MLLT10: variants seen among roughly 807,000 people sequenced by gnomAD.
The protein encoded by MLLT10 is protein AF-10.
Under a neutral mutation model 129.1 loss-of-function variants are expected in MLLT10, and 30 were observed. That is an observed-to-expected ratio of 0.23 (90% CI 0.17 to 0.32). MLLT10 has a LOEUF of 0.32. Ranked by LOEUF, MLLT10 falls within the 10% of genes least tolerant of loss-of-function variation. MLLT10 has a pLI of 1.00. For missense variants in MLLT10, 1,119 were observed against 1,268.3 expected (o/e 0.88, Z 1.79); for synonymous variants, 490 against 446.4 (o/e 1.10, Z -1.23).
chr10:21,640,152 A>G (rs1447907999), intron 8 of MLLT10, among the ~76,000 whole-genome samples: 1 of 146,576 alleles, frequency 6.8e-6, no homozygotes, highest in African/African-American at 2.5e-5. Flanking sequence ...AAACCAATAT[A>G]TGTATACATA....
At chr10:21,651,899 A>G in intron 9 of MLLT10, 131 bp downstream of exon 9, 1 of 184,748 alleles carries the variant, frequency 5.4e-6, no homozygotes, top group Non-Finnish European at 9.6e-6. Flanking sequence ...TAGAATTCTC[A>G]TTTCTTTTTT....
chr10:21,690,845 G>A (rs1241058090), intron 13 of MLLT10, among the ~76,000 whole-genome samples: 1 of 151,886 alleles, frequency 6.6e-6, no homozygotes, highest in Non-Finnish European at 1.5e-5. Flanking sequence ...CTTTTGTGTT[G>A]ATTCAGGTCC....
chr10:21,619,106 T>TA (rs1589260180), intron 8 of MLLT10, among the ~76,000 whole-genome samples: 2 of 151,966 alleles, frequency 1.3e-5, no homozygotes, highest in East Asian at 3.9e-4. Flanking sequence ...AACATGTATA[T>TA]CTTGATTTCT....
intron 3 of MLLT10, among the ~76,000 whole-genome samples, chr10:21,546,471 C>A (rs958490836): frequency 3.3e-5 from 5 of 151,696 alleles, no homozygotes; most frequent in Admixed American, 1.3e-4. Flanking sequence ...GTGGTGTGAT[C>A]TCCGCTTACT....
intron 14 of MLLT10, among the ~76,000 whole-genome samples, chr10:21,716,724 G>C (rs1429332689): frequency 1.3e-5 from 2 of 151,282 alleles, no homozygotes; most frequent in Non-Finnish European, 2.9e-5. Flanking sequence ...AATTCTAGAA[G>C]TCTTACCACA....
At position 21,614,714 on chromosome 10, in the gene MLLT10, T is replaced by C. The variant is rs1220794782; in HGVS notation, c.510-117T>C. 7.0e-6 allele frequency: 5 copies of C among 711,108 alleles called. No individual in the cohort carries two copies. In the East Asian group the frequency reaches 8.7e-5, roughly 12 times the overall value. 44.0% of individuals were successfully genotyped at this position (711,108 alleles called of 1,614,324 possible). ...AAAGCTTTTTATTTTCTCATTTTTT[T>C]CTTAGGAGATGTTATTTTCTCAGAG... On this transcript the variant is annotated intron_variant, in intron 6 of 22. Transcript: ENST00000307729.
chr10:21,602,708 T>C (rs2043660238), intron 5 of MLLT10, among the ~76,000 whole-genome samples: 1 of 152,166 alleles, frequency 6.6e-6, no homozygotes, highest in Admixed American at 6.5e-5. Flanking sequence ...AACATTTAAA[T>C]GGAGTTTTTT....
intron 13 of MLLT10, among the ~76,000 whole-genome samples, chr10:21,697,012 T>C (rs1042410256): frequency 1.3e-5 from 2 of 150,726 alleles, no homozygotes; most frequent in African/African-American, 4.9e-5. Context: ...AGCTTCATCT[T>C]TGAGCATCTT....
At chr10:21,720,957 T>C (rs1589816890) in intron 14 of MLLT10, among the ~76,000 whole-genome samples, 1 of 152,206 alleles carries the variant, frequency 6.6e-6, no homozygotes, top group East Asian at 1.9e-4. Context: ...ACAGAGAGGT[T>C]TAATAATTTA....
At chr10:21,695,066 T>C (rs1311063980) in intron 13 of MLLT10, among the ~76,000 whole-genome samples, 2 of 147,886 alleles carry the variant, frequency 1.4e-5, no homozygotes, top group African/African-American at 5.0e-5. Context: ...ACCTTCTTTT[T>C]TTTTTTTTTT....
chr10:21,600,484 CTG>C (rs1235344046), intron 5 of MLLT10, among the ~76,000 whole-genome samples: 6 of 152,052 alleles, frequency 3.9e-5, no homozygotes, highest in African/African-American at 1.4e-4. Context: ...ACATATTACT[CTG>C]TTTGTAAAAC....
intron 13 of MLLT10, among the ~76,000 whole-genome samples, chr10:21,704,024 T>TTG (rs1554856168): frequency 8.1e-5 from 11 of 135,396 alleles, no homozygotes; most frequent in South Asian, 2.6e-4. Context: ...TTGTTTTTTT[T>TTG]TTTTTTTTTT....
At chr10:21,546,414 T>C (rs1263516485) in intron 3 of MLLT10, among the ~76,000 whole-genome samples, 1 of 151,098 alleles carries the variant, frequency 6.6e-6, no homozygotes, top group Non-Finnish European at 1.5e-5. Context: ...ATTCTACTTT[T>C]TTTTTTTTGA....
At chr10:21,584,779 A>G (rs551068384) in intron 3 of MLLT10, among the ~76,000 whole-genome samples, 10 of 151,504 alleles carry the variant, frequency 6.6e-5, no homozygotes, top group African/African-American at 2.4e-4. Flanking sequence ...GTATGTGTGT[A>G]TGTGTGTATA....
At chr10:21,606,003 A>G (rs2044024120) in intron 5 of MLLT10, among the ~76,000 whole-genome samples, 1 of 152,036 alleles carries the variant, frequency 6.6e-6, no homozygotes, top group Non-Finnish European at 1.5e-5. Flanking sequence ...TTCCAACAGC[A>G]TGTGCTCACT....
chr10:21,707,302 C>T (rs569259337), intron 13 of MLLT10, among the ~76,000 whole-genome samples: 6 of 151,230 alleles, frequency 4.0e-5, no homozygotes, highest in African/African-American at 1.5e-4. Context: ...ACGCCATTCT[C>T]CTGCCTCAGC....
rs41277384 is a variant in MLLT10 at position 21,682,325 on chromosome 10, G to T, written c.1699+68G>T. On this transcript the variant is annotated intron_variant, in intron 13 of 22. Transcript: ENST00000307729. ...AAGGTTGCCTTTTGTAGAGAATCTC[G>T]ATTGAAAGCTAGCATGTTCTATTGA... The T allele has an allele frequency of 7.6e-3, 10,539 of 1,395,798 alleles. 67 individuals carry two copies. Among genetic ancestry groups the T allele is most frequent in the Non-Finnish European group, 9.3e-3 (9,305 of 996,808 alleles). 86.5% of individuals were successfully genotyped at this position (1,395,798 alleles called of 1,614,324 possible).
At chr10:21,538,726 A>G (rs1482067785) in intron 2 of MLLT10, 107 bp from the exon 3 acceptor site, 3 of 707,262 alleles carry the variant, frequency 4.2e-6, no homozygotes, top group East Asian at 2.6e-5. Context: ...GTAAAGAGGT[A>G]GTTTACTTGA....
At chr10:21,630,684 C>G (rs1184038004) in intron 8 of MLLT10, among the ~76,000 whole-genome samples, 1 of 152,202 alleles carries the variant, frequency 6.6e-6, no homozygotes, top group African/African-American at 2.4e-5. Flanking sequence ...TTTGCTATTG[C>G]CACGAGTATT....
Sources: allele counts gnomAD v4.1 joint callset (sites outside exome capture counted in the v4.1 genomes callset), GRCh38; gene constraint gnomAD v4.1.1; transcripts MANE v1.5; gene names NCBI Gene and HGNC (gene_info 2026-07-23, HGNC 2026-07-21).